STK26: variants seen among roughly 807,000 people sequenced by gnomAD.
STK26 encodes the protein serine/threonine kinase 26.
Under a neutral mutation model 34.7 loss-of-function variants are expected in STK26, and 14 were observed. The ratio of observed to expected loss-of-function variants is 0.40; its 90% confidence interval spans 0.27 to 0.63. The LOEUF (loss-of-function observed/expected upper bound fraction) is 0.63. Among genes scored for constraint, STK26 ranks in the 30% least tolerant of loss-of-function variants. The pLI is 0.38. For synonymous variants in STK26, 100 were observed against 109.8 expected, an observed-to-expected ratio of 0.91 and a Z score of 0.56; for missense variants, 226 against 309.1, an observed-to-expected ratio of 0.73 and a Z score of 2.02.
intron 2 of STK26, among the ~76,000 whole-genome samples, chrX:132,036,892 T>C (rs910567758): frequency 2.7e-5 from 3 of 112,133 alleles, no homozygotes; most frequent in African/African-American, 6.5e-5. Flanking sequence ...GAGTTTTTAA[T>C]AAACTATACT....
At chrX:132,032,660 A>G (rs1925886379) in intron 2 of STK26, among the ~76,000 whole-genome samples, 1 of 111,757 alleles carries the variant, frequency 8.9e-6, no homozygotes, top group Non-Finnish European at 1.9e-5. Flanking sequence ...GTTCAATTCA[A>G]CCATCAATGG....
At chrX:132,024,146 TAA>T (rs1339849497) in intron 2 of STK26, among the ~76,000 whole-genome samples, 1 of 111,203 alleles carries the variant, frequency 9.0e-6, no homozygotes, top group African/African-American at 3.3e-5. Context: ...TGCGTAGGGC[TAA>T]GAGAGAGGTG....
chrX:132,033,674 C>A (rs1925924727), intron 2 of STK26, among the ~76,000 whole-genome samples: 1 of 111,870 alleles, frequency 8.9e-6, no homozygotes, highest in Non-Finnish European at 1.9e-5. Flanking sequence ...CACACACAAT[C>A]TACATGGTTT....
chrX:132,029,079 T>C (rs866090081), intron 2 of STK26, among the ~76,000 whole-genome samples: 4 of 111,654 alleles, frequency 3.6e-5, no homozygotes, highest in Middle Eastern at 4.6e-3. Context: ...CTTTTGACAC[T>C]AGGGGAGTAG....
At chrX:132,042,877 C>T (rs1027956826) in intron 2 of STK26, among the ~76,000 whole-genome samples, 3 of 111,418 alleles carry the variant, frequency 2.7e-5, no homozygotes, top group African/African-American at 9.8e-5. Flanking sequence ...CCTAGTCCTA[C>T]GATTCCATTG....
At chrX:132,049,056 G>C (rs1335674571) in intron 2 of STK26, among the ~76,000 whole-genome samples, 1 of 112,001 alleles carries the variant, frequency 8.9e-6, no homozygotes, top group Non-Finnish European at 1.9e-5. Context: ...ATGGCTCACT[G>C]TAGCCTCGCC....
chrX:132,035,603 C>T (rs1049618052), intron 2 of STK26, among the ~76,000 whole-genome samples: 5 of 109,366 alleles, frequency 4.6e-5, no homozygotes, highest in African/African-American at 1.7e-4. Flanking sequence ...CTGTAGTAAA[C>T]AGCTCATTAA....
At chrX:132,057,925 C>G (rs1926912299) in intron 3 of STK26, among the ~76,000 whole-genome samples, 1 of 111,717 alleles carries the variant, frequency 9.0e-6, no homozygotes, top group African/African-American at 3.3e-5. Flanking sequence ...ATAGATGATG[C>G]ACAAATTAGT....
At position 132,074,388 on chromosome X, in the gene STK26, T is replaced by C. The variant is rs935318255; in HGVS notation, c.*229T>C. 3.9e-5 allele frequency: 12 copies of C among 311,446 alleles called. No individual in the cohort carries two copies. Among genetic ancestry groups the C allele is most frequent in the African/African-American group, 3.0e-4 (11 of 36,483 alleles). The allele number at this position is 311,446 out of a possible 1,213,427, so 25.7% of individuals were successfully genotyped here. On this transcript the variant is annotated 3_prime_UTR_variant, in exon 12 of 12. Transcript: ENST00000394334. Reference sequence around the variant, plus strand: ...TAATACTATAGTTTCACCTGTATTCTAGTAAATGTTGAGACACCGTTTTGC... The same window carrying C: ...TAATACTATAGTTTCACCTGTATTCCAGTAAATGTTGAGACACCGTTTTGC...
intron 2 of STK26, among the ~76,000 whole-genome samples, chrX:132,047,608 A>G (rs1477206570): frequency 9.0e-6 from 1 of 110,570 alleles, no homozygotes; most frequent in Non-Finnish European, 1.9e-5. Flanking sequence ...TATCTCCTAC[A>G]CTCTAGAGGC....
intron 3 of STK26, among the ~76,000 whole-genome samples, chrX:132,057,276 G>C (rs778371324): frequency 1.8e-5 from 2 of 111,399 alleles, no homozygotes; most frequent in Non-Finnish European, 3.8e-5. Flanking sequence ...TGGCAGAAAT[G>C]GCTGTTGACT....
At chrX:132,034,289 ATTCTTTTTTTTTTT>A (rs1925953959) in intron 2 of STK26, among the ~76,000 whole-genome samples, 1 of 34,968 alleles carries the variant, frequency 2.9e-5, no homozygotes, top group African/African-American at 1.0e-4. Flanking sequence ...TGAGACATTT[ATTCTTTTTTTTTTT>A]TTTTTTTTTT....
intron 2 of STK26, among the ~76,000 whole-genome samples, chrX:132,037,591 G>C (rs1395927675): frequency 1.6e-4 from 18 of 110,050 alleles, no homozygotes; most frequent in African/African-American, 5.6e-4. Flanking sequence ...GAGATATGTG[G>C]GCAGTAAACG....
intron 2 of STK26, among the ~76,000 whole-genome samples, chrX:132,028,929 C>T (rs979499442): frequency 6.2e-5 from 7 of 112,344 alleles, no homozygotes; most frequent in Non-Finnish European, 1.3e-4. Context: ...CATTGCTTTG[C>T]ATTGGTGAAC....
chrX:132,041,152 A>C (rs1926251088), intron 2 of STK26, among the ~76,000 whole-genome samples: 1 of 110,709 alleles, frequency 9.0e-6, no homozygotes, highest in South Asian at 3.8e-4. Context: ...TTATTTTTTC[A>C]CTCATCTGCT....
intron 3 of STK26, among the ~76,000 whole-genome samples, chrX:132,062,955 A>C (rs2124182918): frequency 9.0e-6 from 1 of 111,027 alleles, no homozygotes; most frequent in South Asian, 3.8e-4. Flanking sequence ...TCTGTTCTTT[A>C]TTTTTTTAAT....
rs202173059 is a variant in STK26, at chrX:132,044,627, T to TTCTCTCTC, written c.43-9973_43-9966dup. Among the ~76,000 whole-genome samples, 77 of 43,101 alleles carry TTCTCTCTC rather than the reference T, an allele frequency of 1.8e-3. 4 individuals carry two copies. The highest frequency in any genetic ancestry group is 5.7e-3 in the African/African-American group (59 of 10,391). 37.4% of individuals were successfully genotyped at this position (43,101 alleles called of 115,157 possible). On this transcript the variant is annotated intron_variant, in intron 2 of 11. Transcript: ENST00000394334. ...AACTTAGTTTCACTGGATGTTCAAA[T>TTCTCTCTC]TCTCTCTCTCTCTCTCTCTCTCTCT...
intron 4 of STK26, among the ~76,000 whole-genome samples, chrX:132,067,017 A>C (rs1332230724): frequency 8.9e-6 from 1 of 111,750 alleles, no homozygotes; most frequent in African/African-American, 3.3e-5. Context: ...TATTTTAATC[A>C]CTACTGTTTG....
intron 3 of STK26, among the ~76,000 whole-genome samples, chrX:132,063,090 C>T (rs1379858781): frequency 9.0e-6 from 1 of 111,009 alleles, no homozygotes; most frequent in East Asian, 2.8e-4. Context: ...TACAAACAGT[C>T]CGGTAATACT....
Sources: allele counts gnomAD v4.1 joint callset (sites outside exome capture counted in the v4.1 genomes callset), GRCh38; gene constraint gnomAD v4.1.1; transcripts MANE v1.5; gene names NCBI Gene and HGNC (gene_info 2026-07-23, HGNC 2026-07-21).